The following ADCY2 variants were observed in gnomAD, a reference collection of about 807,000 sequenced individuals.
ADCY2 encodes the protein adenylate cyclase 2.
A neutral mutation model predicts 125.2 loss-of-function variants in ADCY2; 31 were observed. That is an observed-to-expected ratio of 0.25 (90% CI 0.19 to 0.33). The LOEUF is 0.33. Ranked by LOEUF, ADCY2 falls within the 10% of genes least tolerant of loss-of-function variation. ADCY2 has a pLI of 1.00. For missense variants in ADCY2, 904 were observed against 1,418.2 expected (o/e 0.64, Z 5.82); for synonymous variants, 512 against 548.4 (o/e 0.93, Z 0.93).
At chr5:7,517,973 G>T (rs1416743345) in intron 2 of ADCY2, among the ~76,000 whole-genome samples, 1 of 152,166 alleles carries the variant, frequency 6.6e-6, no homozygotes, top group Non-Finnish European at 1.5e-5. Context: ...AATACCTGTT[G>T]TGGGATATAA....
In ADCY2 at chr5:7,414,674, G is replaced by A; in HGVS notation, c.312G>A (p.Lys104=). ...TCTGCATCGAGTCTGTGTTTAAGAAGCTGCTGCGCCTCTTCTCGTTGGTGA... is the reference window on the plus strand; with the variant it reads ...TCTGCATCGAGTCTGTGTTTAAGAAACTGCTGCGCCTCTTCTCGTTGGTGA... ...ILVCIESVFK[K]LLRLFSLVIW... is the part of the protein sequence containing the mutation. The change falls in exon 2 of 25, where the codon AAG becomes AAA. Residue 104 remains lysine, a synonymous_variant. Transcript: ENST00000338316. The A allele has an allele frequency of 6.2e-7, 1 of 1,613,930 alleles. No homozygotes were observed. The highest frequency in any genetic ancestry group is 8.5e-7 in the Non-Finnish European group (1 of 1,179,974).
intron 2 of ADCY2, among the ~76,000 whole-genome samples, chr5:7,459,694 C>G (rs868470791): frequency 1.6e-4 from 24 of 149,512 alleles, no homozygotes; most frequent in African/African-American, 5.0e-4. Context: ...ATAAAAACCT[C>G]TAGACATGAC....
At chr5:7,519,844 C>T (rs1159148704) in intron 2 of ADCY2, among the ~76,000 whole-genome samples, 2 of 152,156 alleles carry the variant, frequency 1.3e-5, no homozygotes, top group African/African-American at 4.8e-5. Flanking sequence ...CCTGGCAACC[C>T]CCAATCTGCT....
intron 1 of ADCY2, among the ~76,000 whole-genome samples, chr5:7,406,508 C>T (rs1739495170): frequency 6.6e-6 from 1 of 152,200 alleles, no homozygotes; most frequent in South Asian, 2.1e-4. Context: ...GGTGAGGGTC[C>T]CTGGCCCAGA....
chr5:7,529,130 T>A (rs557283297), intron 3 of ADCY2, among the ~76,000 whole-genome samples: 1 of 152,192 alleles, frequency 6.6e-6, no homozygotes, highest in African/African-American at 2.4e-5. Context: ...GGAAGGAGGA[T>A]GTACACATCA....
intron 3 of ADCY2, among the ~76,000 whole-genome samples, chr5:7,608,495 G>T (rs1043406161): frequency 2.0e-5 from 3 of 152,082 alleles, no homozygotes; most frequent in African/African-American, 7.2e-5. Flanking sequence ...AGAATTGCTT[G>T]AACCCAGGAG....
Position 7,722,952 on chromosome 5 carries a change from C to A in ADCY2, c.1704-1593C>A, listed in dbSNP as rs1269327781. 4.6e-5 allele frequency among the ~76,000 whole-genome samples: 4 copies of A among 86,226 alleles called. No homozygotes were observed. In the Admixed American group the frequency reaches 5.2e-4, roughly 11 times the overall value. 56.6% of individuals were successfully genotyped at this position (86,226 alleles called of 152,430 possible). A position where few individuals can be genotyped will look rare whatever the true frequency, so the allele number is the denominator to read the frequency against. On this transcript the variant is annotated intron_variant, in intron 12 of 24. Transcript: ENST00000338316. Reference sequence around the variant, plus strand: ...TCCAGCCTGGGCAACAAGAGCGAAACTCCATCTCAAAAAAAAAAAAAAAAA... The same window carrying A: ...TCCAGCCTGGGCAACAAGAGCGAAAATCCATCTCAAAAAAAAAAAAAAAAA...
intron 17 of ADCY2, among the ~76,000 whole-genome samples, chr5:7,771,984 T>A (rs1356261464): frequency 1.3e-5 from 2 of 152,190 alleles, no homozygotes; most frequent in African/African-American, 4.8e-5. Flanking sequence ...AAATAAAGCC[T>A]TTCTGAGGAT....
intron 2 of ADCY2, among the ~76,000 whole-genome samples, chr5:7,416,870 T>G (rs1313432323): frequency 6.6e-6 from 1 of 152,186 alleles, no homozygotes; most frequent in Admixed American, 6.5e-5. Context: ...CCATCTTGTT[T>G]TAAAGTTACA....
intron 2 of ADCY2, among the ~76,000 whole-genome samples, chr5:7,455,604 T>C (rs1010352714): frequency 1.3e-5 from 2 of 148,474 alleles, no homozygotes; most frequent in South Asian, 2.1e-4. Flanking sequence ...ATTATAATTA[T>C]GTATTTGTTA....
At chr5:7,514,282 A>G (rs1452421806) in intron 2 of ADCY2, among the ~76,000 whole-genome samples, 1 of 152,072 alleles carries the variant, frequency 6.6e-6, no homozygotes, top group Non-Finnish European at 1.5e-5. Context: ...TCAAGTCAGG[A>G]CCTATCCATG....
chr5:7,553,794 G>T (rs950408613), intron 3 of ADCY2, among the ~76,000 whole-genome samples: 5 of 152,186 alleles, frequency 3.3e-5, no homozygotes, highest in Non-Finnish European at 7.3e-5. Flanking sequence ...CCCAGCCAGT[G>T]CTTGGGAGCA....
At chr5:7,443,379 G>A (rs904897915) in intron 2 of ADCY2, among the ~76,000 whole-genome samples, 26 of 151,968 alleles carry the variant, frequency 1.7e-4, no homozygotes, top group Admixed American at 6.6e-5. Flanking sequence ...AAGGCCGGGC[G>A]TGATGGCTCA....
intron 17 of ADCY2, 97 bp downstream of exon 17, chr5:7,766,903 T>G: frequency 3.6e-6 from 5 of 1,399,418 alleles, no homozygotes; most frequent in South Asian, 1.8e-5. Flanking sequence ...TTCTAGACTT[T>G]GCATTTCCTC....
At chr5:7,587,824 A>C (rs918887732) in intron 3 of ADCY2, among the ~76,000 whole-genome samples, 1 of 152,186 alleles carries the variant, frequency 6.6e-6, no homozygotes, top group Non-Finnish European at 1.5e-5. Context: ...GGATAGGGAA[A>C]CGTTGAGAGA....
chr5:7,410,782 A>C (rs1739678412), intron 1 of ADCY2, among the ~76,000 whole-genome samples: 1 of 152,092 alleles, frequency 6.6e-6, no homozygotes, highest in South Asian at 2.1e-4. Flanking sequence ...AGGAATATTT[A>C]ATTGAGATTG....
intron 2 of ADCY2, among the ~76,000 whole-genome samples, chr5:7,518,402 A>G (rs1744325973): frequency 6.6e-6 from 1 of 152,160 alleles, no homozygotes. Context: ...GCATTTTTAT[A>G]CATAAACGGT....
chr5:7,540,625 T>G (rs1205615061), intron 3 of ADCY2, among the ~76,000 whole-genome samples: 1 of 152,116 alleles, frequency 6.6e-6, no homozygotes, highest in African/African-American at 2.4e-5. Context: ...GTTAAATATT[T>G]CCCCAAAGAG....
intron 2 of ADCY2, among the ~76,000 whole-genome samples, chr5:7,437,358 A>T (rs942973804): frequency 6.6e-6 from 1 of 152,152 alleles, no homozygotes; most frequent in Admixed American, 6.5e-5. Context: ...GCAGGAGGAA[A>T]AATTGGGGAG....
Sources: gnomAD v4.1 joint callset for allele counts (sites outside exome capture counted in the v4.1 genomes callset) on GRCh38, gnomAD v4.1.1 for gene constraint, MANE v1.5 for transcripts, NCBI Gene and HGNC (gene_info 2026-07-23, HGNC 2026-07-21) for gene names.